The following CNTN4 variants were observed in gnomAD, a reference collection of about 807,000 sequenced individuals.
The protein encoded by CNTN4 is contactin 4.
A neutral mutation model predicts 122.5 loss-of-function variants in CNTN4; 77 were observed. That is an observed-to-expected ratio of 0.63 (90% confidence interval 0.52 to 0.76). The LOEUF is 0.76. Ranked by LOEUF, CNTN4 falls within the 30% of genes least tolerant of loss-of-function variation. The probability of loss-of-function intolerance (pLI) is 0.00; values close to 1 mark genes in which losing one functional copy is unlikely to be tolerated. For synonymous variants in CNTN4, 512 were observed against 447.0 expected, an observed-to-expected ratio of 1.15 and a Z score of -1.83; for missense variants, 1,256 against 1,259.1, an observed-to-expected ratio of 1.00 and a Z score of 0.04.
At chr3:2,715,891 C>T (rs550298186) in intron 4 of CNTN4, among the ~76,000 whole-genome samples, 3 of 152,312 alleles carry the variant, frequency 2.0e-5, no homozygotes, top group Non-Finnish European at 4.4e-5. Context: ...AGGATAGCAA[C>T]ATCTGAATTT....
chr3:2,489,344 GCTTCGTTCA>G (rs1030480612), intron 3 of CNTN4, among the ~76,000 whole-genome samples: 1 of 152,166 alleles, frequency 6.6e-6, no homozygotes, highest in Non-Finnish European at 1.5e-5. Flanking sequence ...CAATGTAGTA[GCTTCGTTCA>G]CCCATTTTAC....
chr3:2,902,965 A>T lies in CNTN4; in HGVS notation c.1167A>T (p.Lys389Asn), dbSNP rs776204729. The change falls in exon 12 of 25, where the codon AAA (lysine) becomes AAT (asparagine). Residue 389 changes from lysine (K) to asparagine (N), a missense_variant. Coordinates refer to ENST00000418658, the MANE Select transcript of CNTN4 (RefSeq NM_175607.3). ...AGMYQCLAEN[K>N]HGVIFSNAEL... ...TGTATCAGTGTTTGGCAGAGAATAA[A>T]CATGGAGTTATCTTTTCCAACGCAG... 2 of 1,613,822 alleles carry T rather than the reference A, an allele frequency of 1.2e-6. No homozygotes were observed. The highest frequency in any genetic ancestry group is 1.1e-5 in the South Asian group (1 of 91,078).
At chr3:2,590,991 T>G (rs1170026407) in intron 4 of CNTN4, among the ~76,000 whole-genome samples, 1 of 152,212 alleles carries the variant, frequency 6.6e-6, no homozygotes, top group Non-Finnish European at 1.5e-5. Context: ...ATATTCGAAA[T>G]AATGCATCAC....
chr3:2,492,640 A>T (rs2076349802), intron 3 of CNTN4, among the ~76,000 whole-genome samples: 1 of 152,160 alleles, frequency 6.6e-6, no homozygotes, highest in Admixed American at 6.5e-5. Context: ...ATTGGGAAGA[A>T]AATTCTTAGT....
chr3:2,908,620 A>T (rs1278785543), intron 12 of CNTN4, among the ~76,000 whole-genome samples: 1 of 152,196 alleles, frequency 6.6e-6, no homozygotes, highest in Non-Finnish European at 1.5e-5. Context: ...CTAGCTTTTT[A>T]AAAAATCTCC....
intron 4 of CNTN4, among the ~76,000 whole-genome samples, chr3:2,579,305 C>T (rs917615604): frequency 5.9e-5 from 9 of 152,162 alleles, no homozygotes; most frequent in Non-Finnish European, 5.9e-5. Context: ...GTGTACCTAA[C>T]GTCAACCTGT....
chr3:2,780,937 T>C (rs1204260057), intron 6 of CNTN4, among the ~76,000 whole-genome samples: 2 of 152,236 alleles, frequency 1.3e-5, no homozygotes, highest in Non-Finnish European at 2.9e-5. Flanking sequence ...TTAAGTAGAA[T>C]ATTTTGTTCT....
At chr3:3,001,150 G>A (rs887087622) in intron 14 of CNTN4, among the ~76,000 whole-genome samples, 57 of 152,150 alleles carry the variant, frequency 3.7e-4, no homozygotes, top group Admixed American at 6.6e-5. Flanking sequence ...TGTCAGCTTT[G>A]CTAGTGATAA....
intron 3 of CNTN4, among the ~76,000 whole-genome samples, chr3:2,430,434 A>C (rs923150707): frequency 3.3e-5 from 5 of 151,228 alleles, no homozygotes; most frequent in African/African-American, 1.2e-4. Context: ...AAAAAAAAAA[A>C]AAAAAAAGGA....
At chr3:2,655,298 TAAAG>T (rs965797540) in intron 4 of CNTN4, among the ~76,000 whole-genome samples, 11 of 152,232 alleles carry the variant, frequency 7.2e-5, no homozygotes, top group Admixed American at 3.9e-4. Context: ...TCTTGTCTGT[TAAAG>T]AATTTGTGTG....
chr3:2,258,623 A>G (rs1355329675), intron 2 of CNTN4, among the ~76,000 whole-genome samples: 1 of 152,178 alleles, frequency 6.6e-6, no homozygotes, highest in Non-Finnish European at 1.5e-5. Context: ...CACACATAAT[A>G]TAATTGGCTC....
chr3:2,583,590 G>A (rs2080045405), intron 4 of CNTN4, among the ~76,000 whole-genome samples: 1 of 152,186 alleles, frequency 6.6e-6, no homozygotes, highest in South Asian at 2.1e-4. Context: ...GGGGAACTTG[G>A]TGAATGCCCA....
At position 2,365,319 on chromosome 3, in the gene CNTN4, G is replaced by A. The variant is rs78071042; in HGVS notation, c.-89+26086G>A. On this transcript the variant is annotated intron_variant, in intron 3 of 24. Transcript: ENST00000418658. ...TGGTCCCTCATGTGGGCAAAAGTCA[G>A]CCCCATTCTCTGGAGTAATGAGTTT... is the stretch of plus-strand genomic sequence containing the variant. Among the ~76,000 whole-genome samples, 275 of 152,270 alleles carry A rather than the reference G, an allele frequency of 1.8e-3. 5 individuals are homozygous for A. The East Asian group carries it at 0.048, about 26-fold the overall frequency.
At chr3:2,284,018 A>G (rs2041818272) in intron 2 of CNTN4, among the ~76,000 whole-genome samples, 1 of 152,066 alleles carries the variant, frequency 6.6e-6, no homozygotes, top group Non-Finnish European at 1.5e-5. Flanking sequence ...GCCAATGCAA[A>G]TGTGGGCTAA....
intron 6 of CNTN4, among the ~76,000 whole-genome samples, chr3:2,759,291 G>T (rs2090479393): frequency 6.6e-6 from 1 of 152,054 alleles, no homozygotes; most frequent in Non-Finnish European, 1.5e-5. Context: ...GAGTAGCTGG[G>T]ATTACAGGTG....
intron 3 of CNTN4, among the ~76,000 whole-genome samples, chr3:2,565,280 C>A (rs919969986): frequency 6.6e-6 from 1 of 152,150 alleles, no homozygotes; most frequent in East Asian, 1.9e-4. Flanking sequence ...GACAAATAAT[C>A]TAATGATAAA....
chr3:2,961,047 G>A (rs1292825248), intron 13 of CNTN4, among the ~76,000 whole-genome samples: 277 of 58,858 alleles, frequency 4.7e-3, no homozygotes, highest in East Asian at 0.012. Context: ...TGGCTAACAC[G>A]GTGAAACCCC....
At chr3:3,001,537 T>G (rs187011217) in intron 14 of CNTN4, among the ~76,000 whole-genome samples, 1 of 152,310 alleles carries the variant, frequency 6.6e-6, no homozygotes, top group Non-Finnish European at 1.5e-5. Flanking sequence ...TGTCAGAGTG[T>G]TTAAACCTTT....
chr3:2,475,489 A>G (rs892944521), intron 3 of CNTN4, among the ~76,000 whole-genome samples: 2 of 152,208 alleles, frequency 1.3e-5, no homozygotes, highest in African/African-American at 4.8e-5. Context: ...TAGAAGCAAT[A>G]GACTGATTTT....
Sources: allele counts gnomAD v4.1 joint callset (sites outside exome capture counted in the v4.1 genomes callset), GRCh38; gene constraint gnomAD v4.1.1; transcripts MANE v1.5; gene names NCBI Gene and HGNC (gene_info 2026-07-23, HGNC 2026-07-21).